Variants in ANKRD31 observed in about 807,000 individuals in gnomAD.
ANKRD31 encodes ankyrin repeat domain-containing protein 31.
In ANKRD31, 147 loss-of-function variants were observed where a neutral mutation model predicts 186.0. That is an observed-to-expected ratio of 0.79 (90% CI 0.69 to 0.91). The LOEUF (loss-of-function observed/expected upper bound fraction) is 0.91, where lower values mean the gene tolerates loss of function less well. Ranked by LOEUF, ANKRD31 falls within the 40% of genes least tolerant of loss-of-function variation. ANKRD31 has a pLI of 0.00. For missense variants in ANKRD31, 1,986 were observed against 2,148.8 expected, an observed-to-expected ratio of 0.92 and a Z score of 1.50; for synonymous variants, 673 against 736.4, an observed-to-expected ratio of 0.91 and a Z score of 1.39.
intron 23 of ANKRD31, among the ~76,000 whole-genome samples, chr5:75,085,008 A>G (rs943842205): frequency 1.3e-5 from 2 of 152,114 alleles, no homozygotes; most frequent in African/African-American, 4.8e-5. Flanking sequence ...TCTGGGCCCA[A>G]GGGTCTTTGG....
intron 22 of ANKRD31, among the ~76,000 whole-genome samples, chr5:75,098,346 C>G (rs1054008313): frequency 5.9e-5 from 9 of 151,822 alleles, no homozygotes; most frequent in Admixed American, 1.3e-4. Flanking sequence ...TTGTAGTATA[C>G]TTTGAACTCA....
chr5:75,119,692 C>T (rs779006291), intron 17 of ANKRD31, among the ~76,000 whole-genome samples: 11 of 152,220 alleles, frequency 7.2e-5, no homozygotes, highest in Non-Finnish European at 1.6e-4. Context: ...AGTAGTTGAA[C>T]TAATTTACAT....
At chr5:75,209,373 T>C (rs1026597607) in intron 4 of ANKRD31, among the ~76,000 whole-genome samples, 10 of 152,040 alleles carry the variant, frequency 6.6e-5, no homozygotes, top group African/African-American at 2.4e-4. Flanking sequence ...TGCACAGGTG[T>C]TTTACTCAAG....
At chr5:75,142,791 A>T (rs1249919439) in intron 15 of ANKRD31, among the ~76,000 whole-genome samples, 4 of 152,156 alleles carry the variant, frequency 2.6e-5, no homozygotes, top group African/African-American at 4.8e-5. Flanking sequence ...GGAATCCCAG[A>T]TGTCACTATC....
intron 3 of ANKRD31, among the ~76,000 whole-genome samples, chr5:75,214,342 G>C (rs1756831996): frequency 1.3e-5 from 2 of 152,182 alleles, no homozygotes; most frequent in Non-Finnish European, 2.9e-5. Context: ...CTTCTGAACA[G>C]AGACAGCAAT....
intron 10 of ANKRD31, among the ~76,000 whole-genome samples, chr5:75,182,249 G>T (rs1006979209): frequency 1.3e-4 from 20 of 152,224 alleles, no homozygotes; most frequent in East Asian, 9.6e-4. Flanking sequence ...TTACCAATAT[G>T]TACATTGGTT....
intron 1 of ANKRD31, among the ~76,000 whole-genome samples, chr5:75,233,792 T>C (rs1280648355): frequency 3.9e-5 from 6 of 152,010 alleles, no homozygotes; most frequent in African/African-American, 1.4e-4. Context: ...GGTATGCGCC[T>C]GTAGTCCCAG....
chr5:75,157,802 C>T (rs1351628379), intron 11 of ANKRD31, among the ~76,000 whole-genome samples: 4 of 152,134 alleles, frequency 2.6e-5, no homozygotes, highest in African/African-American at 9.7e-5. Flanking sequence ...TCTGCAGAAA[C>T]ACTGCATCTT....
intron 3 of ANKRD31, among the ~76,000 whole-genome samples, chr5:75,213,274 T>C (rs569005620): frequency 6.6e-6 from 1 of 152,314 alleles, no homozygotes; most frequent in Admixed American, 6.5e-5. Flanking sequence ...ATATTTGTAA[T>C]TTTCATTTAT....
In ANKRD31 at chr5:75,102,017, A is replaced by C. The variant is rs191679612; in HGVS notation, c.5331+2211T>G. Among the ~76,000 whole-genome samples the C allele has an allele frequency of 5.2e-3, 786 of 152,324 alleles. 1 individual carries two copies. The highest frequency in any genetic ancestry group is 0.01 in the South Asian group (49 of 4,828). On this transcript the variant is annotated intron_variant, in intron 22 of 25. Transcript: ENST00000506364. The stretch of plus-strand genomic sequence containing the variant: ...GAGGAGAAGAGGTGCTCTGATTTTT[A>C]GAATTTTCAGCTTTTCTGCTCTGGT...
Position 75,222,278 on chromosome 5 carries a change from G to C in ANKRD31, c.259C>G (p.Pro87Ala), listed in dbSNP as rs1310029690. The change falls in exon 3 of 26, where the codon CCT becomes GCT. Residue 87 changes from proline (P) to alanine (A), a missense_variant. Coordinates refer to ENST00000506364, the MANE Select transcript of ANKRD31 (RefSeq NM_001372053.1). ...QEQMNKNKMM[P>A]VLSEDTILQS... ...AATATTGTATCCTCGCTAAGAACAG[G>C]CATCATCTTATTTTTATTCATTTGC... is the stretch of plus-strand genomic sequence containing the variant. 6.5e-6 allele frequency: 10 copies of C among 1,536,220 alleles called. No individual in the cohort carries two copies. Among genetic ancestry groups the C allele is most frequent in the South Asian group, 2.4e-5 (2 of 83,994 alleles).
chr5:75,138,854 T>C lies in ANKRD31; in HGVS notation c.3725A>G (p.Asp1242Gly), dbSNP rs1455480045. The change falls in exon 16 of 26, where the codon GAT (aspartate) becomes GGT (glycine). Residue 1242 changes from aspartate to glycine, a missense_variant. By Grantham distance (94) the Asp-to-Gly change is moderately conservative. Transcript: ENST00000506364. The part of the protein sequence containing the change: ...IESGADVNLN[D>G]NAGWTPLHEA... Reference sequence around the variant, plus strand: ...ATTAAAAGGATCCAAACCTGCATTATCATTTAGATTCACATCTGCTCCAGA... The same window carrying C: ...ATTAAAAGGATCCAAACCTGCATTACCATTTAGATTCACATCTGCTCCAGA... 2 of 1,535,880 alleles carry C rather than the reference T, an allele frequency of 1.3e-6. No homozygotes were observed. The highest frequency in any genetic ancestry group is 2.4e-5 in the East Asian group (1 of 40,886).
chr5:75,230,067 CTG>C (rs367620881), intron 2 of ANKRD31, among the ~76,000 whole-genome samples: 13 of 150,940 alleles, frequency 8.6e-5, no homozygotes, highest in Middle Eastern at 6.9e-3. Flanking sequence ...ATCTGTGTGT[CTG>C]TGTGTGTGTG....
At chr5:75,120,781 T>A (rs1446219891) in intron 17 of ANKRD31, among the ~76,000 whole-genome samples, 1 of 152,224 alleles carries the variant, frequency 6.6e-6, no homozygotes, top group Admixed American at 6.5e-5. Flanking sequence ...TAACCTTGAA[T>A]GTAAGTGAAT....
At chr5:75,116,732 T>C in intron 18 of ANKRD31, 51 bp from the exon 19 acceptor site, 1 of 1,101,354 alleles carries the variant, frequency 9.1e-7, no homozygotes, top group Non-Finnish European at 1.2e-6. Context: ...AAAATATAGT[T>C]TCATTTTTCA....
At chr5:75,178,385 C>G (rs570001550) in intron 10 of ANKRD31, among the ~76,000 whole-genome samples, 1 of 152,022 alleles carries the variant, frequency 6.6e-6, no homozygotes, top group African/African-American at 2.4e-5. Context: ...CAAGCAGACC[C>G]AATAGACATC....
intron 10 of ANKRD31, among the ~76,000 whole-genome samples, chr5:75,179,021 A>G (rs1754054388): frequency 6.6e-6 from 1 of 152,182 alleles, no homozygotes; most frequent in South Asian, 2.1e-4. Flanking sequence ...AGAAGAATCA[A>G]ATAGACGCAA....
At chr5:75,094,508 A>G (rs1191759622) in intron 22 of ANKRD31, among the ~76,000 whole-genome samples, 1 of 152,176 alleles carries the variant, frequency 6.6e-6, no homozygotes, top group Non-Finnish European at 1.5e-5. Context: ...GTCCTAGAGC[A>G]GCTACTGCAA....
intron 17 of ANKRD31, among the ~76,000 whole-genome samples, chr5:75,128,536 GCT>G (rs1323881283): frequency 1.7e-5 from 2 of 115,342 alleles, no homozygotes; most frequent in Non-Finnish European, 3.4e-5. Flanking sequence ...ATGGAGTCTG[GCT>G]CTGCTGCCCA....
Sources: gnomAD v4.1 joint callset for allele counts (sites outside exome capture counted in the v4.1 genomes callset) on GRCh38, gnomAD v4.1.1 for gene constraint, MANE v1.5 for transcripts, NCBI Gene and HGNC (gene_info 2026-07-23, HGNC 2026-07-21) for gene names.